BABAM2: variants seen among roughly 807,000 people sequenced by gnomAD.
BABAM2 encodes the protein BRISC and BRCA1-A complex member 2.
In BABAM2, 31 loss-of-function variants were observed where a neutral mutation model predicts 54.7. The observed-to-expected ratio is 0.57, with a 90% CI of 0.43 to 0.77. The LOEUF is 0.77. Ranked by LOEUF, BABAM2 falls within the 30% of genes least tolerant of loss-of-function variation. BABAM2 has a pLI of 0.00. For missense variants in BABAM2, 364 were observed against 455.8 expected, an observed-to-expected ratio of 0.80 and a Z score of 1.83; for synonymous variants, 167 against 162.9, an observed-to-expected ratio of 1.03 and a Z score of -0.19.
intron 11 of BABAM2, among the ~76,000 whole-genome samples, chr2:28,333,631 CTG>C (rs1229858932): frequency 6.6e-6 from 1 of 152,244 alleles, no homozygotes; most frequent in Non-Finnish European, 1.5e-5. Context: ...AGCAGAGAGA[CTG>C]AGATCAGTGA....
intron 7 of BABAM2, among the ~76,000 whole-genome samples, chr2:28,138,016 G>C (rs142270233): frequency 1.7e-4 from 26 of 152,252 alleles, no homozygotes; most frequent in African/African-American, 5.8e-4. Flanking sequence ...CCGTGAAGAT[G>C]AGAAATTCAT....
intron 7 of BABAM2, among the ~76,000 whole-genome samples, chr2:28,212,516 AT>A (rs34743698): frequency 1.3e-5 from 2 of 152,104 alleles, no homozygotes; most frequent in African/African-American, 2.4e-5. Flanking sequence ...ATCCTTTGGA[AT>A]TTTTTTCCTA....
chr2:27,924,606 A>T (rs1667554502), intron 2 of BABAM2, among the ~76,000 whole-genome samples: 1 of 151,302 alleles, frequency 6.6e-6, no homozygotes, highest in Admixed American at 6.6e-5. Flanking sequence ...CTGGTCTTGA[A>T]CTCCTGACCT....
chr2:28,188,034 C>G (rs1676509127), intron 7 of BABAM2, among the ~76,000 whole-genome samples: 1 of 151,956 alleles, frequency 6.6e-6, no homozygotes, highest in South Asian at 2.1e-4. Context: ...GTATTTTTCC[C>G]CGGGCGCAGG....
intron 4 of BABAM2, among the ~76,000 whole-genome samples, chr2:28,003,984 T>A (rs1454469038): frequency 6.6e-6 from 1 of 152,152 alleles, no homozygotes; most frequent in Non-Finnish European, 1.5e-5. Context: ...CATATAGCAA[T>A]GAGGTTTTGT....
chr2:28,000,535 A>G (rs1673504801), intron 4 of BABAM2, among the ~76,000 whole-genome samples: 1 of 152,074 alleles, frequency 6.6e-6, no homozygotes, highest in Non-Finnish European at 1.5e-5. Flanking sequence ...AGTGTTTGCT[A>G]CCCTGTAAAG....
chr2:28,097,485 G>T (rs1017275389), intron 6 of BABAM2, among the ~76,000 whole-genome samples: 3 of 152,006 alleles, frequency 2.0e-5, no homozygotes, highest in Non-Finnish European at 2.9e-5. Flanking sequence ...TTTTTTCCAG[G>T]TTCATCTCTT....
At chr2:28,167,822 A>G (rs550639432) in intron 7 of BABAM2, among the ~76,000 whole-genome samples, 7 of 152,320 alleles carry the variant, frequency 4.6e-5, no homozygotes, top group South Asian at 2.1e-4. Context: ...TAGTTAACCT[A>G]TATTCCCTAT....
chr2:28,253,621 T>C (rs1027155398), intron 10 of BABAM2, among the ~76,000 whole-genome samples: 2 of 152,192 alleles, frequency 1.3e-5, no homozygotes, highest in African/African-American at 4.8e-5. Context: ...ACTACATTAC[T>C]CTGCTGTTTC....
chr2:28,229,997 A>G (rs923344599), intron 7 of BABAM2, among the ~76,000 whole-genome samples: 1 of 152,214 alleles, frequency 6.6e-6, no homozygotes, highest in Non-Finnish European at 1.5e-5. Flanking sequence ...TGAGTGCTTA[A>G]TCATAGTTGT....
At chr2:28,199,609 T>C (rs1678031408) in intron 7 of BABAM2, among the ~76,000 whole-genome samples, 1 of 152,198 alleles carries the variant, frequency 6.6e-6, no homozygotes, top group Non-Finnish European at 1.5e-5. Context: ...GACTAGGCAC[T>C]AGTGTCCTAA....
At chr2:28,167,681 G>A (rs1049310870) in intron 7 of BABAM2, among the ~76,000 whole-genome samples, 12 of 146,802 alleles carry the variant, frequency 8.2e-5, no homozygotes, top group South Asian at 2.2e-4. Flanking sequence ...GCGACAGAGC[G>A]AGACTCCATC....
Position 28,025,417 on chromosome 2 carries a change from C to A in BABAM2, c.492C>A (p.Asn164Lys). The A allele has an allele frequency of 6.4e-7, 1 of 1,568,608 alleles. No individual in the cohort carries two copies. The highest frequency in any genetic ancestry group is 1.2e-5 in the South Asian group (1 of 83,132). The change falls in exon 5 of 12, where the codon AAC (asparagine) becomes AAA (lysine). Residue 164 changes from asparagine (N) to lysine (K), a missense_variant. Transcript: ENST00000379624. ...AAATTTATGCTGGGAAAAAAAACAA[C>A]TGGGTAAGGATTTTTGAGAATGGAA... ...NMEIYAGKKN[N>K]WTGEFSARFL...
At chr2:28,174,972 G>A (rs747376559) in intron 7 of BABAM2, among the ~76,000 whole-genome samples, 2 of 152,148 alleles carry the variant, frequency 1.3e-5, no homozygotes, top group Non-Finnish European at 1.5e-5. Flanking sequence ...CAGTGCACCA[G>A]GGAGATCTGC....
intron 3 of BABAM2, among the ~76,000 whole-genome samples, chr2:27,934,640 C>A (rs1367642592): frequency 6.6e-6 from 1 of 152,216 alleles, no homozygotes; most frequent in Non-Finnish European, 1.5e-5. Context: ...AAACAGTTAA[C>A]CACGTTGTGA....
chr2:27,988,195 T>TC (rs1672537769), intron 4 of BABAM2, 108 bp downstream of exon 4: 14 of 983,956 alleles, frequency 1.4e-5, no homozygotes, highest in Non-Finnish European at 2.2e-5. Flanking sequence ...TGCATTTTTT[T>TC]CCCACCCCTC....
At chr2:28,032,169 C>T (rs984821805) in intron 5 of BABAM2, among the ~76,000 whole-genome samples, 1 of 152,234 alleles carries the variant, frequency 6.6e-6, no homozygotes, top group Non-Finnish European at 1.5e-5. Flanking sequence ...TTGCATTATG[C>T]AGGTCTGTAT....
intron 6 of BABAM2, among the ~76,000 whole-genome samples, chr2:28,112,101 C>CTTTCTTTCTTTCT (rs1668085721): frequency 1.2e-4 from 1 of 8,194 alleles, no homozygotes; most frequent in African/African-American, 5.6e-4. Flanking sequence ...TTCTTTCTTT[C>CTTTCTTTCTTTCT]TTTCTTTCTT....
rs1201993519 is a variant in BABAM2, at chr2:27,979,028, T to C, written c.206-8965T>C. Among the ~76,000 whole-genome samples, 5 of 9,834 alleles carry C rather than the reference T, an allele frequency of 5.1e-4. 1 individual carries two copies. In the South Asian group the frequency reaches 0.035, roughly 69 times the overall value. The allele number at this position is 9,834 out of a possible 152,430, so 6.5% of individuals were successfully genotyped here. Reference sequence around the variant, plus strand: ...GGTGTATATGTACCACATTTTCTTTTTTTCTTTTTTTTTTTTTGAGATGGA... The same window carrying C: ...GGTGTATATGTACCACATTTTCTTTCTTTCTTTTTTTTTTTTTGAGATGGA... On this transcript the variant is annotated intron_variant, in intron 3 of 11. Coordinates refer to ENST00000379624, the MANE Select transcript of BABAM2 (RefSeq NM_199191.3).
Sources: allele counts gnomAD v4.1 joint callset (sites outside exome capture counted in the v4.1 genomes callset), GRCh38; gene constraint gnomAD v4.1.1; transcripts MANE v1.5; gene names NCBI Gene and HGNC (gene_info 2026-07-23, HGNC 2026-07-21).